CNIH3: variants seen among roughly 807,000 people sequenced by gnomAD.
CNIH3 encodes cornichon family AMPA receptor auxiliary protein 3, also known as protein cornichon homolog 3.
In CNIH3, 14 loss-of-function variants were observed where a neutral mutation model predicts 24.1. That is an observed-to-expected ratio of 0.58 (90% CI 0.38 to 0.91). CNIH3 has a LOEUF of 0.91. CNIH3 is among the 40% of genes least tolerant of loss of function. CNIH3 has a pLI of 0.00. For missense variants in CNIH3, 178 were observed against 196.8 expected, an observed-to-expected ratio of 0.90 and a Z score of 0.57; for synonymous variants, 68 against 73.8, an observed-to-expected ratio of 0.92 and a Z score of 0.40.
intron 2 of CNIH3, among the ~76,000 whole-genome samples, chr1:224,522,189 G>C (rs1319426176): frequency 6.6e-6 from 1 of 151,990 alleles, no homozygotes; most frequent in Non-Finnish European, 1.5e-5. Flanking sequence ...AAAAAGACAA[G>C]CTTCTATCAT....
At chr1:224,578,299 CTAACT>C (rs1681123582) in intron 4 of CNIH3, among the ~76,000 whole-genome samples, 1 of 152,152 alleles carries the variant, frequency 6.6e-6, no homozygotes, top group Non-Finnish European at 1.5e-5. Flanking sequence ...ATTTATTTCC[CTAACT>C]TGCTCCCAAG....
intron 3 of CNIH3, among the ~76,000 whole-genome samples, chr1:224,559,642 G>A (rs1475709309): frequency 1.3e-5 from 2 of 151,662 alleles, no homozygotes; most frequent in Non-Finnish European, 2.9e-5. Context: ...CAATGTGCTG[G>A]GATTATAGGC....
At position 224,483,517 on chromosome 1, in the gene CNIH3, T is replaced by A. The variant is rs529522214; in HGVS notation, n.204-32224T>A. Among the ~76,000 whole-genome samples, 26 of 151,986 alleles carry A rather than the reference T, an allele frequency of 1.7e-4. No individual in the cohort carries two copies. In the South Asian group the frequency reaches 5.0e-3, roughly 29 times the overall value. ...GATTCTCATGCCTCGGCCTCCTGAG[T>A]AGCTGGGATTTATAGGCACATGCCA... is the stretch of plus-strand genomic sequence containing the variant. On this transcript the variant is annotated intron_variant and non_coding_transcript_variant, in intron 1 of 5. Transcript: ENST00000471578.
At chr1:224,608,330 C>A (rs1238493530) in intron 3 of CNIH3, among the ~76,000 whole-genome samples, 1 of 152,150 alleles carries the variant, frequency 6.6e-6, no homozygotes, top group Non-Finnish European at 1.5e-5. Context: ...CTCTCAGACA[C>A]CAAGTTAAAG....
At position 224,684,227 on chromosome 1, in the gene CNIH3, T is replaced by A. The variant is rs911604001; in HGVS notation, c.151-569T>A. ...CTTCCCTTGGCAGTGAGCCAGGCCT[T>A]GACAGACTCGAACTTCTTAAAAAGC... On this transcript the variant is annotated intron_variant, in intron 2 of 5. Coordinates refer to ENST00000272133, the MANE Select transcript of CNIH3 (RefSeq NM_152495.2). The surrounding 1 kb of genome is among the most constrained non-coding windows in gnomAD (Gnocchi z 4.2). Among the ~76,000 whole-genome samples the A allele has an allele frequency of 6.6e-6, 1 of 152,230 alleles. No homozygotes were observed. Among genetic ancestry groups the A allele is most frequent in the Non-Finnish European group, 1.5e-5 (1 of 68,034 alleles).
At chr1:224,642,871 G>A (rs1684426478) in intron 1 of CNIH3, among the ~76,000 whole-genome samples, 3 of 152,220 alleles carry the variant, frequency 2.0e-5, no homozygotes, top group African/African-American at 4.8e-5. Flanking sequence ...ATGCGAGAGA[G>A]CTAGGCAGGG....
At chr1:224,501,747 A>AT (rs1174490126) in intron 1 of CNIH3, among the ~76,000 whole-genome samples, 3 of 151,782 alleles carry the variant, frequency 2.0e-5, no homozygotes, top group African/African-American at 4.8e-5. Context: ...CGCCCAGCTA[A>AT]TTTTTTGTAT....
chr1:224,657,524 GAAAACA>G (rs1685155480), intron 1 of CNIH3, among the ~76,000 whole-genome samples: 1 of 152,002 alleles, frequency 6.6e-6, no homozygotes, highest in African/African-American at 2.4e-5. Context: ...TCTTGACTTT[GAAAACA>G]AAAACAAAAA....
At chr1:224,484,781 G>A (rs1402826833) in intron 1 of CNIH3, among the ~76,000 whole-genome samples, 1 of 152,060 alleles carries the variant, frequency 6.6e-6, no homozygotes, top group Non-Finnish European at 1.5e-5. Context: ...GTTAATCCCA[G>A]CAATGTATTT....
At chr1:224,537,963 T>A (rs572496393), downstream of CNIH3, among the ~76,000 whole-genome samples, 5 of 152,130 alleles carry the variant, frequency 3.3e-5, no homozygotes, top group African/African-American at 1.2e-4. Flanking sequence ...TATTATTTTT[T>A]TTTTTGAGAC....
At chr1:224,459,306 A>G in intron 1 of CNIH3, 1 of 740,846 alleles carries the variant, frequency 1.3e-6, no homozygotes, top group Non-Finnish European at 1.7e-6. Context: ...ACAGTTCCTG[A>G]CTGTTTATTC....
chr1:224,555,550 A>G (rs1680099928), intron 3 of CNIH3, among the ~76,000 whole-genome samples: 1 of 152,242 alleles, frequency 6.6e-6, no homozygotes, highest in African/African-American at 2.4e-5. Flanking sequence ...TGATCAGGCT[A>G]TGAACAACTT....
chr1:224,725,270 G>A (rs915482145), intron 3 of CNIH3, among the ~76,000 whole-genome samples: 1 of 152,152 alleles, frequency 6.6e-6, no homozygotes, highest in South Asian at 2.1e-4. Flanking sequence ...GTCTTCTTTT[G>A]CTGGAGGCTT....
intron 3 of CNIH3, among the ~76,000 whole-genome samples, chr1:224,609,135 T>TGCTCATCTCTGCCTGCCTA (rs1203974804): frequency 6.6e-6 from 1 of 152,190 alleles, no homozygotes; most frequent in African/African-American, 2.4e-5. Context: ...TCTCCTGCCC[T>TGCTCATCTCTGCCTGCCTA]GCTCATCTCT....
At chr1:224,510,083 C>T (rs1215091527) in intron 1 of CNIH3, among the ~76,000 whole-genome samples, 1 of 151,840 alleles carries the variant, frequency 6.6e-6, no homozygotes, top group East Asian at 1.9e-4. Context: ...TACCGCTGGC[C>T]TGCACTTCTC....
At chr1:224,631,158 A>G (rs1683802353) in intron 1 of CNIH3, among the ~76,000 whole-genome samples, 1 of 152,008 alleles carries the variant, frequency 6.6e-6, no homozygotes, top group Admixed American at 6.6e-5. Context: ...GTGAGACTCC[A>G]CCTCAAACAA....
rs1572563963 is a variant in CNIH3 at position 224,604,714 on chromosome 1, C to T, written n.402+38450C>T. ...ATTTTCTTCTCGGTCACTTTGCAAG[C>T]CAGGGACCCTTGCCGGTGACACCTG... On this transcript the variant is annotated intron_variant and non_coding_transcript_variant, in intron 3 of 7. Transcript: ENST00000478120. The surrounding 1 kb of genome is among the most constrained non-coding windows in gnomAD (Gnocchi z 4.4). Among the ~76,000 whole-genome samples the T allele has an allele frequency of 6.6e-6, 1 of 152,334 alleles. No individual in the cohort carries two copies. The highest frequency in any genetic ancestry group is 6.5e-5 in the Admixed American group (1 of 15,304).
chr1:224,515,177 G>C (rs1011497521), upstream of CNIH3, among the ~76,000 whole-genome samples: 2 of 152,128 alleles, frequency 1.3e-5, no homozygotes, highest in African/African-American at 4.8e-5. Context: ...TCTGGGCGGG[G>C]GTCTAGGCTA....
intron 1 of CNIH3, among the ~76,000 whole-genome samples, chr1:224,668,381 CAG>C (rs1000083767): frequency 1.5e-4 from 23 of 152,220 alleles, no homozygotes; most frequent in African/African-American, 5.5e-4. Context: ...ATTGTGTTTT[CAG>C]AGTCAACACA....
Sources: allele counts gnomAD v4.1 joint callset (sites outside exome capture counted in the v4.1 genomes callset), GRCh38; gene constraint gnomAD v4.1.1; non-coding constraint Gnocchi (gnomAD v3.1); transcripts MANE v1.5; gene names NCBI Gene and HGNC (gene_info 2026-07-23, HGNC 2026-07-21).